The following ZNF564 variants were observed in gnomAD, a reference collection of about 807,000 sequenced individuals.
ZNF564 encodes the protein zinc finger protein 564.
Under a neutral mutation model 10.5 loss-of-function variants are expected in ZNF564, and 5 were observed. That is an observed-to-expected ratio of 0.48 (90% CI 0.25 to 1.00). The LOEUF (loss-of-function observed/expected upper bound fraction) is 1.00, where lower values mean the gene tolerates loss of function less well. Among genes scored for constraint, ZNF564 ranks in the 50% least tolerant of loss-of-function variants. ZNF564 has a pLI of 0.16. For missense variants in ZNF564, 603 were observed against 669.7 expected (o/e 0.90, Z 1.10); for synonymous variants, 242 against 218.1 (o/e 1.11, Z -0.97).
chr19:12,545,221 C>T (rs1248462463), intron 1 of ZNF564, among the ~76,000 whole-genome samples: 3 of 144,498 alleles, frequency 2.1e-5, no homozygotes, highest in Non-Finnish European at 4.5e-5. Flanking sequence ...AAGATCGCAC[C>T]ATTGCACTCC....
At chr19:12,528,991 G>A (rs1006731908) in intron 1 of ZNF564, among the ~76,000 whole-genome samples, 2 of 152,180 alleles carry the variant, frequency 1.3e-5, no homozygotes, top group African/African-American at 4.8e-5. Context: ...CTTAAACAAG[G>A]GAGGCAGAGG....
At chr19:12,544,081 G>C (rs2022109129) in intron 1 of ZNF564, among the ~76,000 whole-genome samples, 1 of 152,160 alleles carries the variant, frequency 6.6e-6, no homozygotes, top group African/African-American at 2.4e-5. Context: ...CATGTGTGCT[G>C]TTCAAGCCAC....
rs755137489 is a variant in ZNF564 at position 12,527,283 on chromosome 19, A to C, written c.825T>G (p.His275Gln). 6.2e-7 allele frequency: 1 copy of C among 1,613,414 alleles called. No homozygotes were observed. The highest frequency in any genetic ancestry group is 1.1e-5 in the South Asian group (1 of 91,020). Residue 275 changes from histidine (H) to glutamine (Q), a missense_variant, in exon 4 of 4, where the codon CAT becomes CAG. Transcript: ENST00000339282. Reference sequence around the variant, plus strand: ...TACATTCATGGGGTTTCTCTCCAGTATGAGTTCTTTCATGTATTCGAAATA... The same window carrying C: ...TACATTCATGGGGTTTCTCTCCAGTCTGAGTTCTTTCATGTATTCGAAATA... ...PSLFRIHERTHTGEKPHECKQ... is the reference protein window; with the variant it reads ...PSLFRIHERTQTGEKPHECKQ...
At position 12,528,332 on chromosome 19, in the gene ZNF564, A is replaced by G; in HGVS notation, c.163T>C (p.Trp55Arg). The G allele has an allele frequency of 6.2e-7, 1 of 1,611,154 alleles. No individual in the cohort carries two copies. Among genetic ancestry groups the G allele is most frequent in the Non-Finnish European group, 8.5e-7 (1 of 1,179,402 alleles). The change falls in exon 3 of 4, where the codon TGG becomes CGG. Residue 55 changes from tryptophan (W) to arginine (R), a missense_variant. By Grantham distance (101) the Trp-to-Arg change is moderately radical. Transcript: ENST00000339282. Reference sequence around the variant, plus strand: ...AAAATTCTCCCCTGATTTTTGTACCAATCTTCAATGCTCTGGTCTTCCCAT... The same window carrying G: ...AAAATTCTCCCCTGATTTTTGTACCGATCTTCAATGCTCTGGTCTTCCCAT... ...KKWEDQSIED[W>R]YKNQGRILRN... is the part of the protein sequence containing the mutation.
intron 1 of ZNF564, chr19:12,548,802 A>G: frequency 1.4e-6 from 1 of 702,888 alleles, no homozygotes; most frequent in Non-Finnish European, 2.6e-6. Context: ...ATTTAGCATT[A>G]ATCACCAAAG....
intron 3 of ZNF564, 121 bp downstream of exon 3, chr19:12,528,183 G>A (rs976400961): frequency 7.7e-6 from 8 of 1,038,300 alleles, no homozygotes; most frequent in South Asian, 1.5e-5. Flanking sequence ...TTCTTTTTCT[G>A]GTGAAAAAGT....
At chr19:12,528,521 A>T (rs367851950) in intron 2 of ZNF564, 49 bp downstream of exon 2, 122 of 1,602,260 alleles carry the variant, frequency 7.6e-5, no homozygotes, top group Non-Finnish European at 1.0e-4. Context: ...AAAAAGCAAG[A>T]AATACTTCTT....
chr19:12,542,138 G>A (rs551560704), intron 1 of ZNF564, among the ~76,000 whole-genome samples: 2 of 150,802 alleles, frequency 1.3e-5, no homozygotes, highest in South Asian at 4.2e-4. Context: ...GTGAAACCCC[G>A]ACTCTACTAA....
chr19:12,540,245 G>A (rs1473580066), intron 1 of ZNF564, among the ~76,000 whole-genome samples: 1 of 152,172 alleles, frequency 6.6e-6, no homozygotes, highest in Non-Finnish European at 1.5e-5. Context: ...CTTCAAAGTC[G>A]TGGCCTGGCT....
Position 12,545,019 on chromosome 19 carries a change from G to C in ZNF564, c.3+6311C>G, listed in dbSNP as rs532733099. ...CATGCTTGTAATCCCAGCACTTTGG[G>C]AGGCCAAGGCGGGTGGATCACCTGA... On this transcript the variant is annotated intron_variant, in intron 1 of 3. Coordinates refer to ENST00000339282, the MANE Select transcript of ZNF564 (RefSeq NM_144976.4). Among the ~76,000 whole-genome samples the C allele has an allele frequency of 2.6e-5, 4 of 152,222 alleles. No individual in the cohort carries two copies. In the South Asian group the frequency reaches 6.2e-4, roughly 24 times the overall value.
intron 1 of ZNF564, among the ~76,000 whole-genome samples, chr19:12,546,346 C>T (rs576553741): frequency 3.3e-5 from 5 of 152,196 alleles, no homozygotes; most frequent in Non-Finnish European, 5.9e-5. Flanking sequence ...CCACCACCAC[C>T]ACCACCCTTG....
At chr19:12,550,462 C>A in intron 1 of ZNF564, 1 of 240,568 alleles carries the variant, frequency 4.2e-6, no homozygotes, top group Non-Finnish European at 9.1e-6. Flanking sequence ...TTGAGACCAA[C>A]CTGGCCAACA....
Position 12,527,817 on chromosome 19 carries a change from A to C in ZNF564, c.291T>G (p.Pro97=), listed in dbSNP as rs762060647. Residue 97 remains proline, a synonymous_variant, in exon 4 of 4, where the codon CCT becomes CCG. Transcript: ENST00000339282. ...TACATTCACATGGTCTTACTATAGT[A>C]GGAATTTTCTTGTTCAGATTAAGAT... ...ILNLNLNKKI[P]TIVRPCECSL... is the part of the protein sequence containing the mutation. 2 of 1,614,064 alleles carry C rather than the reference A, an allele frequency of 1.2e-6. No individual in the cohort carries two copies. Among genetic ancestry groups the C allele is most frequent in the Admixed American group, 1.7e-5 (1 of 59,994 alleles).
Position 12,539,667 on chromosome 19 carries a change from C to G in ZNF564, c.4-10971G>C, listed in dbSNP as rs1183409045. On this transcript the variant is annotated intron_variant, in intron 1 of 3. Transcript: ENST00000339282. ...TGGGCGACAGAGCGACAATTCCTCT[C>G]AAAAAGACAAAAAAGAAAAAGAAAA... 1.5e-4 allele frequency among the ~76,000 whole-genome samples: 19 copies of G among 124,542 alleles called. No individual in the cohort carries two copies. In the Admixed American group the frequency reaches 1.7e-3, roughly 11 times the overall value. The allele number at this position is 124,542 out of a possible 152,430, so 81.7% of individuals were successfully genotyped here.
intron 1 of ZNF564, among the ~76,000 whole-genome samples, chr19:12,531,385 G>A (rs1244924151): frequency 6.6e-6 from 1 of 151,894 alleles, no homozygotes; most frequent in Admixed American, 6.6e-5. Flanking sequence ...TGGGAAACAC[G>A]GCGAAACCTC....
rs1160354067 is a variant in ZNF564 at position 12,539,576 on chromosome 19, G to A, written c.4-10880C>T. 4.0e-5 allele frequency among the ~76,000 whole-genome samples: 6 copies of A among 151,562 alleles called. 1 individual carries two copies. Among genetic ancestry groups the A allele is most frequent in the Middle Eastern group, 3.4e-3 (1 of 292 alleles). ...CCAGTTACTTGGGAGGCTGAGGCAG[G>A]AGAATCGCTTGAACCCAGGAGGCAG... On this transcript the variant is annotated intron_variant, in intron 1 of 3. Transcript: ENST00000339282.
At chr19:12,533,474 C>T (rs1390807829) in intron 1 of ZNF564, among the ~76,000 whole-genome samples, 1 of 152,116 alleles carries the variant, frequency 6.6e-6, no homozygotes, top group Non-Finnish European at 1.5e-5. Flanking sequence ...CGCCTATAAT[C>T]CCAGCAATTT....
At position 12,551,428 on chromosome 19, in the gene ZNF564, C is replaced by G; in HGVS notation, c.-96G>C. ...AGACGCTGCGGTGGAGCCACCGGGG[C>G]CACTGGAGAAGCGGAGACCGGAACC... On this transcript the variant is annotated 5_prime_UTR_variant, in exon 1 of 4. Coordinates refer to ENST00000339282, the MANE Select transcript of ZNF564 (RefSeq NM_144976.4). The G allele has an allele frequency of 6.9e-7, 1 of 1,459,162 alleles. No homozygotes were observed. The highest frequency in any genetic ancestry group is 9.1e-7 in the Non-Finnish European group (1 of 1,102,084). 90.4% of individuals were successfully genotyped at this position (1,459,162 alleles called of 1,614,324 possible). A position where few individuals can be genotyped will look rare whatever the true frequency, so the allele number is the denominator to read the frequency against.
intron 1 of ZNF564, among the ~76,000 whole-genome samples, chr19:12,537,077 G>A (rs1382980285): frequency 6.6e-6 from 1 of 152,010 alleles, no homozygotes; most frequent in Non-Finnish European, 1.5e-5. Context: ...CATGCCATGT[G>A]GTATGTGACT....
Sources: gnomAD v4.1 joint callset for allele counts (sites outside exome capture counted in the v4.1 genomes callset) on GRCh38, gnomAD v4.1.1 for gene constraint, MANE v1.5 for transcripts, NCBI Gene and HGNC (gene_info 2026-07-23, HGNC 2026-07-21) for gene names.